RANBP17: variants seen among roughly 807,000 people sequenced by gnomAD.
RANBP17 encodes RAN binding protein 17.
A neutral mutation model predicts 141.2 loss-of-function variants in RANBP17; 158 were observed. The observed-to-expected ratio is 1.12, with a 90% CI of 0.98 to 1.28. The LOEUF (loss-of-function observed/expected upper bound fraction) is 1.28. RANBP17 is among the 50% of genes most tolerant of loss of function. RANBP17 has a pLI of 0.00. For missense variants in RANBP17, 1,438 were observed against 1,290.7 expected, an observed-to-expected ratio of 1.11 and a Z score of -1.75; for synonymous variants, 430 against 450.0, an observed-to-expected ratio of 0.96 and a Z score of 0.56.
chr5:171,003,085 G>C (rs1194278680), intron 14 of RANBP17, among the ~76,000 whole-genome samples: 1 of 152,176 alleles, frequency 6.6e-6, no homozygotes, highest in African/African-American at 2.4e-5. Context: ...AAAGTATTAG[G>C]GCAATGGCGG....
At chr5:171,088,159 G>C (rs1310849878) in intron 14 of RANBP17, among the ~76,000 whole-genome samples, 1 of 150,898 alleles carries the variant, frequency 6.6e-6, no homozygotes, top group African/African-American at 2.4e-5. Flanking sequence ...GGGCAGGCCT[G>C]GTGGTGACAA....
chr5:171,219,719 A>G (rs957159608), intron 21 of RANBP17, among the ~76,000 whole-genome samples: 7 of 151,680 alleles, frequency 4.6e-5, no homozygotes, highest in Admixed American at 2.0e-4. Flanking sequence ...CAAAGTTCTC[A>G]TGCTGTGTTT....
At chr5:170,896,153 G>A (rs753939287) in intron 5 of RANBP17, 38 bp downstream of exon 5, 4 of 1,390,362 alleles carry the variant, frequency 2.9e-6, no homozygotes, top group Non-Finnish European at 4.0e-6. Context: ...GCCTGAGTTT[G>A]CTTAAGTAAT....
chr5:171,089,014 G>T (rs1291795856), intron 14 of RANBP17, among the ~76,000 whole-genome samples: 11 of 151,958 alleles, frequency 7.2e-5, no homozygotes, highest in Middle Eastern at 3.4e-3. Flanking sequence ...GAGGAACTGC[G>T]TTCCTTTGGA....
chr5:171,040,497 G>C (rs4559012), intron 14 of RANBP17, among the ~76,000 whole-genome samples: 93,232 of 151,972 alleles, frequency 0.61, 29,900 homozygotes, highest in South Asian at 0.88. Flanking sequence ...ATATGAGTCT[G>C]CTAAAGTTTG....
At chr5:171,032,248 A>C (rs1241637021) in intron 14 of RANBP17, among the ~76,000 whole-genome samples, 1 of 152,158 alleles carries the variant, frequency 6.6e-6, no homozygotes, top group Non-Finnish European at 1.5e-5. Flanking sequence ...TTAAATGCTC[A>C]TGGCAAATGT....
intron 12 of RANBP17, among the ~76,000 whole-genome samples, chr5:170,931,698 T>TGA (rs1773403440): frequency 6.6e-6 from 1 of 152,200 alleles, no homozygotes; most frequent in Non-Finnish European, 1.5e-5. Context: ...GTCAGGTTAT[T>TGA]CAAAGATCAG....
intron 19 of RANBP17, among the ~76,000 whole-genome samples, chr5:171,201,556 G>A (rs900832324): frequency 2.0e-5 from 3 of 152,214 alleles, no homozygotes; most frequent in African/African-American, 7.2e-5. Flanking sequence ...ATTGCTGATC[G>A]TGTCTCTTGC....
At chr5:170,971,735 A>G (rs1030804316) in intron 14 of RANBP17, among the ~76,000 whole-genome samples, 1 of 151,502 alleles carries the variant, frequency 6.6e-6, no homozygotes, top group Non-Finnish European at 1.5e-5. Context: ...TCTCAGGTGT[A>G]CTCCTTTCTT....
chr5:171,135,301 T>G (rs954746008), intron 14 of RANBP17, among the ~76,000 whole-genome samples: 31 of 148,256 alleles, frequency 2.1e-4, no homozygotes, highest in Non-Finnish European at 3.3e-4. Flanking sequence ...AAAAAAAGAA[T>G]AATTTTAAAA....
chr5:171,046,140 C>T (rs1782567526), intron 14 of RANBP17, among the ~76,000 whole-genome samples: 1 of 151,888 alleles, frequency 6.6e-6, no homozygotes, highest in South Asian at 2.1e-4. Flanking sequence ...CTTATTTTCT[C>T]CATCATAGGA....
At chr5:171,189,188 T>C (rs1027693742) in intron 18 of RANBP17, among the ~76,000 whole-genome samples, 4 of 152,198 alleles carry the variant, frequency 2.6e-5, no homozygotes, top group African/African-American at 7.2e-5. Flanking sequence ...GTCAGTTGAA[T>C]CTGGATATAA....
At chr5:171,230,676 T>G (rs1018058821) in intron 22 of RANBP17, among the ~76,000 whole-genome samples, 2 of 152,042 alleles carry the variant, frequency 1.3e-5, no homozygotes, top group South Asian at 4.1e-4. Flanking sequence ...GCAGGAGAAT[T>G]GCTTGAACCT....
chr5:170,914,359 CTTATA>C (rs1771776295), intron 8 of RANBP17, 119 bp downstream of exon 8: 3 of 673,058 alleles, frequency 4.5e-6, no homozygotes, highest in Non-Finnish European at 5.1e-6. Flanking sequence ...ACAGTAAGTT[CTTATA>C]TTTTCTGGGA....
intron 14 of RANBP17, among the ~76,000 whole-genome samples, chr5:171,102,996 C>T (rs1216193776): frequency 6.6e-6 from 1 of 152,138 alleles, no homozygotes; most frequent in Non-Finnish European, 1.5e-5. Context: ...GGGTACCGGC[C>T]AGATGCGAGC....
At chr5:171,268,208 A>T (rs1766858238) in intron 25 of RANBP17, among the ~76,000 whole-genome samples, 1 of 152,200 alleles carries the variant, frequency 6.6e-6, no homozygotes, top group Non-Finnish European at 1.5e-5. Context: ...CAAGTAACTC[A>T]CCAGTTATTT....
intron 14 of RANBP17, among the ~76,000 whole-genome samples, chr5:171,155,913 A>G (rs1226226239): frequency 4.6e-5 from 7 of 152,150 alleles, no homozygotes; most frequent in Non-Finnish European, 8.8e-5. Context: ...TCATAAATAC[A>G]TTCTCATCAT....
At chr5:171,078,713 T>C (rs1195629031) in intron 14 of RANBP17, among the ~76,000 whole-genome samples, 3 of 152,240 alleles carry the variant, frequency 2.0e-5, no homozygotes, top group African/African-American at 7.2e-5. Context: ...AAAGTCTGGA[T>C]GACAGGACAT....
intron 22 of RANBP17, among the ~76,000 whole-genome samples, chr5:171,228,875 G>A (rs1764033398): frequency 6.6e-6 from 1 of 152,012 alleles, no homozygotes; most frequent in South Asian, 2.1e-4. Context: ...AAACAAGGTT[G>A]TTGCACACTT....
Sources: allele counts gnomAD v4.1 joint callset (sites outside exome capture counted in the v4.1 genomes callset), GRCh38; gene constraint gnomAD v4.1.1; transcripts MANE v1.5; gene names NCBI Gene and HGNC (gene_info 2026-07-23, HGNC 2026-07-21).